PDCD6: variants seen among roughly 807,000 people sequenced by gnomAD.
The protein encoded by PDCD6 is programmed cell death protein 6.
In PDCD6, 12 loss-of-function variants were observed where a neutral mutation model predicts 28.3. The ratio of observed to expected loss-of-function variants is 0.42; its 90% CI spans 0.27 to 0.69. The LOEUF (loss-of-function observed/expected upper bound fraction) is 0.69. Among genes scored for constraint, PDCD6 ranks in the 30% least tolerant of loss-of-function variants. PDCD6 has a pLI of 0.22. For missense variants in PDCD6, 226 were observed against 269.9 expected (o/e 0.84, Z 1.14); for synonymous variants, 92 against 108.0 (o/e 0.85, Z 0.92).
At chr5:277,567 C>T (rs1433001894) in intron 2 of PDCD6, among the ~76,000 whole-genome samples, 1 of 151,976 alleles carries the variant, frequency 6.6e-6, no homozygotes. Context: ...TCCCAAAGTG[C>T]TGGGATTACA....
intron 2 of PDCD6, among the ~76,000 whole-genome samples, chr5:298,322 G>A (rs936363653): frequency 1.3e-5 from 2 of 151,894 alleles, no homozygotes; most frequent in East Asian, 1.9e-4. Context: ...GAAACTTCAC[G>A]GTACCAGGAC....
At chr5:273,940 T>G (rs1322282664) in intron 2 of PDCD6, among the ~76,000 whole-genome samples, 2,545 of 151,770 alleles carry the variant, frequency 0.017, 70 homozygotes, top group African/African-American at 0.058. Context: ...TCCTCGTTTT[T>G]TTTTTTTTTA....
At chr5:292,403 C>T (rs544287837) in intron 2 of PDCD6, among the ~76,000 whole-genome samples, 24 of 152,192 alleles carry the variant, frequency 1.6e-4, no homozygotes, top group South Asian at 6.2e-4. Flanking sequence ...GGATTACAGG[C>T]GCCCGCCACC....
At chr5:279,246 G>C (rs1738412861) in intron 2 of PDCD6, among the ~76,000 whole-genome samples, 1 of 152,144 alleles carries the variant, frequency 6.6e-6, no homozygotes, top group African/African-American at 2.4e-5. Flanking sequence ...GGGCCGGAGG[G>C]AGGGTGGATG....
rs578055245 is a variant in PDCD6 at position 292,048 on chromosome 5, T to C, written c.164-12129T>C. Among the ~76,000 whole-genome samples the C allele has an allele frequency of 2.0e-5, 3 of 152,274 alleles. No homozygotes were observed. In the East Asian group the frequency reaches 5.8e-4, roughly 29 times the overall value. ...GCGTGGTGTTCCTGCTTCTCTCCAT[T>C]CTCCCCAACACTGGCATGGATTGGG... On this transcript the variant is annotated intron_variant, in intron 2 of 5. Coordinates refer to ENST00000264933, the MANE Select transcript of PDCD6 (RefSeq NM_013232.4).
rs774983755 is a variant in PDCD6, at chr5:271,704, G to A, written c.-17G>A. On this transcript the variant is annotated 5_prime_UTR_variant, in exon 1 of 6. Coordinates refer to ENST00000264933, the MANE Select transcript of PDCD6 (RefSeq NM_013232.4). ...TCGTCGCTGCAGGCGCCTCAGCCCA[G>A]CCGCGTGCCTTGGCCCATGGCCGCC... 3.4e-6 allele frequency: 5 copies of A among 1,488,646 alleles called. No individual in the cohort carries two copies. The highest frequency in any genetic ancestry group is 3.8e-5 in the Admixed American group (2 of 51,998). 92.2% of individuals were successfully genotyped at this position (1,488,646 alleles called of 1,614,324 possible).
chr5:289,331 C>T, intron 2 of PDCD6: 1 of 552,016 alleles, frequency 1.8e-6, no homozygotes, highest in East Asian at 3.1e-5. Context: ...CTATTATGTA[C>T]AATTCTTTCA....
At chr5:277,368 C>T (rs1340510309) in intron 2 of PDCD6, among the ~76,000 whole-genome samples, 3 of 136,668 alleles carry the variant, frequency 2.2e-5, no homozygotes, top group African/African-American at 5.6e-5. Flanking sequence ...GTGGCACTAT[C>T]TTGGCTCACT....
At chr5:278,757 T>G (rs1043611098) in intron 2 of PDCD6, among the ~76,000 whole-genome samples, 12 of 96,940 alleles carry the variant, frequency 1.2e-4, no homozygotes, top group Admixed American at 2.4e-4. Flanking sequence ...AAGAAAGAGA[T>G]GGGGCAAGCA....
chr5:272,905 G>T, intron 2 of PDCD6, 133 bp downstream of exon 2: 1 of 1,349,430 alleles, frequency 7.4e-7, no homozygotes. Flanking sequence ...TTACTGCTTC[G>T]TAGTGGAGAT....
intron 2 of PDCD6, among the ~76,000 whole-genome samples, chr5:298,758 A>G (rs71585237): frequency 0.16 from 455 of 2,848 alleles, 80 homozygotes; most frequent in South Asian, 0.53. Context: ...CTCACCCCCA[A>G]CTGCTCCCCC....
At chr5:306,351 C>T in intron 3 of PDCD6, 1 of 454,570 alleles carries the variant, frequency 2.2e-6, no homozygotes, top group Non-Finnish European at 4.1e-6. Flanking sequence ...CTCACAGCTG[C>T]AAGTGCACCT....
At chr5:304,283 T>G in intron 3 of PDCD6, 62 bp downstream of exon 3, 1 of 1,091,284 alleles carries the variant, frequency 9.2e-7, no homozygotes, top group Non-Finnish European at 1.3e-6. Context: ...GGGTACCCGC[T>G]TGTGTTTCCT....
chr5:279,424 G>A (rs1385736877), intron 2 of PDCD6, among the ~76,000 whole-genome samples: 3 of 152,100 alleles, frequency 2.0e-5, no homozygotes, highest in African/African-American at 7.2e-5. Flanking sequence ...GGCTCTGGCT[G>A]TGGAATGAGA....
At chr5:284,259 A>T (rs1738779458) in intron 2 of PDCD6, among the ~76,000 whole-genome samples, 3 of 151,854 alleles carry the variant, frequency 2.0e-5, no homozygotes, top group Non-Finnish European at 4.4e-5. Flanking sequence ...AGACTCGGGG[A>T]GGAGCTGATG....
At chr5:279,596 C>T (rs558486086) in intron 2 of PDCD6, among the ~76,000 whole-genome samples, 1 of 152,064 alleles carries the variant, frequency 6.6e-6, no homozygotes, top group East Asian at 1.9e-4. Context: ...ATCCCAGCAA[C>T]AGGGAAGGCA....
At chr5:281,673 G>C (rs113181164) in intron 2 of PDCD6, among the ~76,000 whole-genome samples, 12 of 151,748 alleles carry the variant, frequency 7.9e-5, no homozygotes, top group African/African-American at 2.9e-4. Flanking sequence ...GAGGAGCTGA[G>C]GTTCTAGTTT....
intron 2 of PDCD6, among the ~76,000 whole-genome samples, chr5:275,648 CTG>C (rs1738145891): frequency 6.6e-6 from 1 of 152,182 alleles, no homozygotes; most frequent in African/African-American, 2.4e-5. Flanking sequence ...GTGAGTGTCT[CTG>C]TGTTTCCTGA....
At chr5:282,479 G>A (rs1022787463) in intron 2 of PDCD6, among the ~76,000 whole-genome samples, 1 of 151,190 alleles carries the variant, frequency 6.6e-6, no homozygotes, top group African/African-American at 2.4e-5. Flanking sequence ...AGGAACTGAT[G>A]TTCTAGATTG....
Sources: gnomAD v4.1 joint callset for allele counts (sites outside exome capture counted in the v4.1 genomes callset) on GRCh38, gnomAD v4.1.1 for gene constraint, MANE v1.5 for transcripts, NCBI Gene and HGNC (gene_info 2026-07-23, HGNC 2026-07-21) for gene names.